The following TRPM5 variants were observed in gnomAD, a reference collection of about 807,000 sequenced individuals.
The protein encoded by TRPM5 is MLSN1 and TRP-related.
Under a neutral mutation model 124.9 loss-of-function variants are expected in TRPM5, and 121 were observed. The observed-to-expected ratio is 0.97, with a 90% CI of 0.84 to 1.13. The LOEUF (loss-of-function observed/expected upper bound fraction) is 1.13. Ranked by LOEUF, TRPM5 falls within the 50% of genes most tolerant of loss-of-function variation. TRPM5 has a pLI of 0.00. For synonymous variants in TRPM5, 781 were observed against 700.5 expected, an observed-to-expected ratio of 1.11 and a Z score of -1.81; for missense variants, 1,643 against 1,589.1, an observed-to-expected ratio of 1.03 and a Z score of -0.58.
upstream of TRPM5, among the ~76,000 whole-genome samples, chr11:2,423,766 C>T (rs755780788): frequency 7.2e-5 from 11 of 152,190 alleles, no homozygotes; most frequent in African/African-American, 2.2e-4. Context: ...CCCAGCTGCC[C>T]GGTGAGGTCG....
exon 4 of TRPM5, chr11:2,420,391 G>A: frequency 6.2e-7 from 1 of 1,610,480 alleles, no homozygotes; most frequent in African/African-American, 1.3e-5. Context: ...CAGGGTAGTG[G>A]ACAGGAAAAT....
At chr11:2,421,584 G>T (rs1241009049) in intron 2 of TRPM5, among the ~76,000 whole-genome samples, 2 of 152,246 alleles carry the variant, frequency 1.3e-5, no homozygotes, top group East Asian at 3.9e-4. Context: ...TGTCTGGCTG[G>T]AAGATCTCTT....
In TRPM5 at chr11:2,417,687, C is replaced by T. The variant is rs765201470; in HGVS notation, c.1009+40G>A. The T allele has an allele frequency of 1.4e-5, 21 of 1,513,646 alleles. No individual in the cohort carries two copies. The East Asian group carries it at 5.1e-4, about 36-fold the overall frequency. 93.8% of individuals were successfully genotyped at this position (1,513,646 alleles called of 1,614,324 possible). ...CCAAAGCGGCTCTGAGCATGAAGCC[C>T]CCCAATGGCGCCTGCCTTGCCCACC... On this transcript the variant is annotated intron_variant, in intron 7 of 23. Transcript: ENST00000155858.
intron 18 of TRPM5, among the ~76,000 whole-genome samples, chr11:2,409,855 G>T (rs1194505039): frequency 6.6e-6 from 1 of 152,216 alleles, no homozygotes; most frequent in Non-Finnish European, 1.5e-5. Flanking sequence ...CCTCCCTGAG[G>T]CAGCACTCGG....
chr11:2,430,667 G>A, the TRPM5 span, among the ~76,000 whole-genome samples: 153 of 151,898 alleles, frequency 1.0e-3, 3 homozygotes, highest in East Asian at 0.024. Flanking sequence ...CAGTGTTGAT[G>A]GTGGTGGTGG....
the TRPM5 span, among the ~76,000 whole-genome samples, chr11:2,437,637 A>T: frequency 7.2e-5 from 11 of 152,320 alleles, no homozygotes; most frequent in Admixed American, 6.5e-4. The surrounding 1 kb of genome is among the most constrained non-coding windows in gnomAD (Gnocchi z 5.6). Context: ...CCCTCAGGAC[A>T]TTCCAAACCT....
At chr11:2,422,890 C>T (rs367821512) in intron 1 of TRPM5, 30 bp downstream of exon 6, 1 of 1,583,330 alleles carries the variant, frequency 6.3e-7, no homozygotes, top group African/African-American at 1.3e-5. Context: ...TCAAGGCGGA[C>T]ATCACCTGAG....
At chr11:2,416,015 C>T in exon 8 of TRPM5, 1 of 1,594,796 alleles carries the variant, frequency 6.3e-7, no homozygotes, top group Non-Finnish European at 8.5e-7. Flanking sequence ...CTGGCTGTGG[C>T]TCTTGCAGGC....
chr11:2,414,679 C>G lies in TRPM5; in HGVS notation c.1744+36G>C, dbSNP rs539138026. ...CCGACCCCTCCGTCACATCCTCCCCCGCGCGCGGGCCCGGCCCCAGCCGCC... is the reference window on the plus strand; with the variant it reads ...CCGACCCCTCCGTCACATCCTCCCCGGCGCGCGGGCCCGGCCCCAGCCGCC... On this transcript the variant is annotated intron_variant, in intron 11 of 23. Transcript: ENST00000155858. The G allele has an allele frequency of 3.5e-6, 5 of 1,435,814 alleles. No individual in the cohort carries two copies. The South Asian group carries it at 5.3e-5, about 15-fold the overall frequency. 88.9% of individuals were successfully genotyped at this position (1,435,814 alleles called of 1,614,324 possible). A position where few individuals can be genotyped will look rare whatever the true frequency, so the allele number is the denominator to read the frequency against.
chr11:2,423,176 A>ACTGCCCCCAGGCATCT, upstream of TRPM5: 1 of 682,950 alleles, frequency 1.5e-6, no homozygotes, highest in South Asian at 1.8e-5. Flanking sequence ...AGACCTGGGG[A>ACTGCCCCCAGGCATCT]CTGCCCCCAG....
chr11:2,428,899 G>A, the TRPM5 span, among the ~76,000 whole-genome samples: 1 of 150,758 alleles, frequency 6.6e-6, no homozygotes. This position sits in a 1 kb window ranked among gnomAD's most constrained non-coding sequence, Gnocchi z 4.0. Flanking sequence ...TGTTGGTGGT[G>A]TTGGTGTTGG....
chr11:2,413,220 T>C (rs1203996613), exon 14 of TRPM5: 1 of 1,547,812 alleles, frequency 6.5e-7, no homozygotes, highest in Non-Finnish European at 8.7e-7. Context: ...TCAGGGGAGC[T>C]TCCTCACTGC....
chr11:2,410,429 C>CA (rs150413199), intron 18 of TRPM5, among the ~76,000 whole-genome samples: 1 of 38,402 alleles, frequency 2.6e-5, no homozygotes, highest in Non-Finnish European at 6.4e-5. Context: ...ACCGCCTGAG[C>CA]AGTTTCCCTG....
At chr11:2,411,841 CT>C in intron 16 of TRPM5, 74 bp from the exon 22 acceptor site, 1 of 1,576,906 alleles carries the variant, frequency 6.3e-7, no homozygotes, top group Non-Finnish European at 8.6e-7. Context: ...ACACAGCATG[CT>C]GGCTGCGGGC....
At chr11:2,406,334 A>G (rs1263007386) in intron 21 of TRPM5, among the ~76,000 whole-genome samples, 2 of 152,182 alleles carry the variant, frequency 1.3e-5, no homozygotes, top group Non-Finnish European at 2.9e-5. Flanking sequence ...CGCACCACCC[A>G]GAAAGACGGT....
In TRPM5 at chr11:2,411,619, GC is replaced by G. The variant is rs766775285; in HGVS notation, c.2607+15del. The G allele has an allele frequency of 1.4e-5, 23 of 1,611,614 alleles. No individual in the cohort carries two copies. In the African/African-American group the frequency reaches 1.9e-4, roughly 13 times the overall value. ...CTGTCCCTCCAGGGCCAGGGCCAGGGCCCCCGGGGGCTCACCATGCGCTCTA... is the reference window on the plus strand; with the variant it reads ...CTGTCCCTCCAGGGCCAGGGCCAGGGCCCCGGGGGCTCACCATGCGCTCTA... On this transcript the variant is annotated intron_variant, in intron 17 of 23. Coordinates refer to ENST00000155858, the Ensembl canonical transcript of TRPM5.
the TRPM5 span, among the ~76,000 whole-genome samples, chr11:2,440,259 C>G: frequency 5.3e-5 from 8 of 152,136 alleles, no homozygotes; most frequent in African/African-American, 2.4e-5. This position sits in a 1 kb window ranked among gnomAD's most constrained non-coding sequence, Gnocchi z 5.2. Context: ...CATCCATACC[C>G]CAAACCTCAG....
At chr11:2,410,834 G>A (rs929675899) in intron 18 of TRPM5, 3 of 374,526 alleles carry the variant, frequency 8.0e-6, no homozygotes, top group Non-Finnish European at 1.6e-5. Flanking sequence ...AAATGGCGAA[G>A]GGGCCTTGCC....
At chr11:2,422,568 C>T (rs1327086206) in intron 1 of TRPM5, among the ~76,000 whole-genome samples, 2 of 152,012 alleles carry the variant, frequency 1.3e-5, no homozygotes, top group Non-Finnish European at 2.9e-5. Context: ...CCAGTCCTCC[C>T]TTGACCTGCT....
Sources: allele counts gnomAD v4.1 joint callset (sites outside exome capture counted in the v4.1 genomes callset), GRCh38; gene constraint gnomAD v4.1.1; non-coding constraint Gnocchi (gnomAD v3.1); transcripts MANE v1.5; gene names NCBI Gene and HGNC (gene_info 2026-07-23, HGNC 2026-07-21).